Variants in ALK observed in about 807,000 individuals in gnomAD.
The protein encoded by ALK is ALK tyrosine kinase receptor.
A neutral mutation model predicts 163.1 loss-of-function variants in ALK; 74 were observed. That is an observed-to-expected ratio of 0.45 (90% CI 0.38 to 0.55). The LOEUF (loss-of-function observed/expected upper bound fraction) is 0.55. Ranked by LOEUF, ALK falls within the 20% of genes least tolerant of loss-of-function variation. The pLI, the probability that ALK is intolerant of heterozygous loss-of-function variation, is 0.00. For missense variants in ALK, 2,063 were observed against 2,105.3 expected, an observed-to-expected ratio of 0.98 and a Z score of 0.39; for synonymous variants, 960 against 843.2, an observed-to-expected ratio of 1.14 and a Z score of -2.40.
chr2:29,780,793 T>C lies in ALK; in HGVS notation c.668-63096A>G, dbSNP rs529097251. On this transcript the variant is annotated intron_variant, in intron 1 of 28. Transcript: ENST00000389048. ...GTCTCCAAATCTTTCTAGCATCTTT[T>C]CAGTTGATGAAGCTCTGACTTTATC... is the stretch of plus-strand genomic sequence containing the variant. Among the ~76,000 whole-genome samples the C allele has an allele frequency of 2.6e-5, 4 of 152,380 alleles. No individual in the cohort carries two copies. The East Asian group carries it at 7.7e-4, about 29-fold the overall frequency.
At chr2:29,546,875 A>T (rs1224393431) in intron 3 of ALK, among the ~76,000 whole-genome samples, 1 of 152,170 alleles carries the variant, frequency 6.6e-6, no homozygotes, top group East Asian at 1.9e-4. Flanking sequence ...TGTTCCATCT[A>T]CTGTGGTTCT....
chr2:29,365,057 T>G (rs1435144180), intron 5 of ALK, among the ~76,000 whole-genome samples: 1 of 152,112 alleles, frequency 6.6e-6, no homozygotes, highest in Non-Finnish European at 1.5e-5. Flanking sequence ...CTCAGAGAGG[T>G]TGAGTTCGGT....
At chr2:29,720,870 T>C (rs752290496) in intron 1 of ALK, among the ~76,000 whole-genome samples, 13 of 151,954 alleles carry the variant, frequency 8.6e-5, no homozygotes, top group Non-Finnish European at 1.8e-4. Flanking sequence ...ACTCTGAAAA[T>C]ATGAGGATCC....
chr2:29,886,164 G>A (rs1666979726), intron 1 of ALK, among the ~76,000 whole-genome samples: 2 of 151,982 alleles, frequency 1.3e-5, no homozygotes. Context: ...CCTTTCCTCT[G>A]GCTTATTTTA....
At chr2:29,348,257 C>T (rs1036359915) in intron 5 of ALK, among the ~76,000 whole-genome samples, 9 of 152,168 alleles carry the variant, frequency 5.9e-5, no homozygotes, top group Middle Eastern at 3.2e-3. Flanking sequence ...AGATTGTCCC[C>T]CAGGGTGGTC....
intron 4 of ALK, among the ~76,000 whole-genome samples, chr2:29,507,206 A>G (rs978076465): frequency 2.0e-5 from 3 of 152,252 alleles, no homozygotes; most frequent in Middle Eastern, 3.2e-3. Context: ...AAAAAGGAAG[A>G]AAACTCTGAC....
At chr2:29,429,916 T>C (rs924675190) in intron 4 of ALK, among the ~76,000 whole-genome samples, 1 of 152,028 alleles carries the variant, frequency 6.6e-6, no homozygotes, top group African/African-American at 2.4e-5. Context: ...ACCCTCAAAT[T>C]TGTGGTTGAG....
intron 9 of ALK, 81 bp from the exon 10 acceptor site, chr2:29,275,577 T>G: frequency 7.1e-7 from 1 of 1,415,208 alleles, no homozygotes; most frequent in Non-Finnish European, 1.0e-6. Context: ...AGGTGTGTGC[T>G]GATCACCTGG....
intron 5 of ALK, among the ~76,000 whole-genome samples, chr2:29,376,199 G>A (rs1466230005): frequency 6.6e-6 from 1 of 152,026 alleles, no homozygotes; most frequent in Non-Finnish European, 1.5e-5. Flanking sequence ...CTCTTAGTCT[G>A]TAAGAGAAAG....
intron 3 of ALK, among the ~76,000 whole-genome samples, chr2:29,619,439 A>T (rs1428049002): frequency 2.0e-5 from 3 of 152,222 alleles, no homozygotes; most frequent in African/African-American, 4.8e-5. Flanking sequence ...GTGAGCCCTC[A>T]GATCGAGCTC....
At chr2:29,634,347 T>A (rs996754582) in intron 3 of ALK, among the ~76,000 whole-genome samples, 10 of 152,020 alleles carry the variant, frequency 6.6e-5, no homozygotes, top group Admixed American at 6.6e-5. Context: ...CAAATCAATA[T>A]CCCTACTGAA....
At chr2:29,859,745 G>A (rs530661941) in intron 1 of ALK, among the ~76,000 whole-genome samples, 1 of 152,346 alleles carries the variant, frequency 6.6e-6, no homozygotes, top group African/African-American at 2.4e-5. Context: ...GATGTCAGGG[G>A]AGGAGAAGAC....
At chr2:29,608,016 C>T (rs903240106) in intron 3 of ALK, among the ~76,000 whole-genome samples, 2 of 134,374 alleles carry the variant, frequency 1.5e-5, no homozygotes, top group African/African-American at 5.9e-5. Context: ...AAGTTTGTTA[C>T]ACAGGTAAAC....
intron 1 of ALK, among the ~76,000 whole-genome samples, chr2:29,902,598 G>A (rs749240420): frequency 6.6e-6 from 1 of 152,170 alleles, no homozygotes; most frequent in East Asian, 1.9e-4. Context: ...CCATCCAACT[G>A]TACTTACCGA....
At chr2:29,332,050 G>C (rs1573243387) in intron 5 of ALK, among the ~76,000 whole-genome samples, 2 of 151,910 alleles carry the variant, frequency 1.3e-5, no homozygotes, top group South Asian at 2.1e-4. Context: ...ACTTTGGGAG[G>C]CTGAGGTGGG....
At chr2:29,298,298 G>C (rs1666260460) in intron 8 of ALK, among the ~76,000 whole-genome samples, 1 of 152,108 alleles carries the variant, frequency 6.6e-6, no homozygotes, top group Non-Finnish European at 1.5e-5. Flanking sequence ...TCTCTACTGA[G>C]ACCTCCTAGG....
chr2:29,297,957 G>A (rs1666247147), intron 8 of ALK, among the ~76,000 whole-genome samples: 2 of 152,126 alleles, frequency 1.3e-5, no homozygotes, highest in Admixed American at 6.5e-5. Context: ...ATGGTAAACT[G>A]GCAGTTTCGT....
chr2:29,539,884 G>T (rs977982724), intron 3 of ALK, among the ~76,000 whole-genome samples: 1 of 152,150 alleles, frequency 6.6e-6, no homozygotes, highest in Non-Finnish European at 1.5e-5. Context: ...ATAGTTTTGT[G>T]AGCAAAATTA....
intron 9 of ALK, among the ~76,000 whole-genome samples, chr2:29,278,487 C>T (rs183948418): frequency 1.1e-4 from 16 of 152,264 alleles, no homozygotes; most frequent in East Asian, 3.9e-4. Context: ...ACATCTCACA[C>T]GCCTTCATCA....
Sources: allele counts gnomAD v4.1 joint callset (sites outside exome capture counted in the v4.1 genomes callset), GRCh38; gene constraint gnomAD v4.1.1; transcripts MANE v1.5; gene names NCBI Gene and HGNC (gene_info 2026-07-23, HGNC 2026-07-21).